TMCC1: variants seen among roughly 807,000 people sequenced by gnomAD.
The protein encoded by TMCC1 is transmembrane and coiled-coil domains protein 1.
A neutral mutation model predicts 52.4 loss-of-function variants in TMCC1; 15 were observed. The ratio of observed to expected loss-of-function variants is 0.29; its 90% CI spans 0.19 to 0.44. The LOEUF (loss-of-function observed/expected upper bound fraction) is 0.44, where lower values mean the gene tolerates loss of function less well. TMCC1 is among the 20% of genes least tolerant of loss of function. The probability of loss-of-function intolerance (pLI) is 1.00; values close to 1 mark genes in which losing one functional copy is unlikely to be tolerated. For synonymous variants in TMCC1, 279 were observed against 301.9 expected, an observed-to-expected ratio of 0.92 and a Z score of 0.79; for missense variants, 503 against 806.0, an observed-to-expected ratio of 0.62 and a Z score of 4.55.
At chr3:129,734,240 A>G (rs1354468329) in intron 4 of TMCC1, among the ~76,000 whole-genome samples, 4 of 152,244 alleles carry the variant, frequency 2.6e-5, no homozygotes, top group Non-Finnish European at 5.9e-5. Flanking sequence ...CAACAAGTAG[A>G]TCAGAACTAT....
rs1322335216 is a variant in TMCC1, at chr3:129,670,320, TGTG to T, written c.1511+7_1511+9del. On this transcript the variant is annotated splice_region_variant and intron_variant, in intron 5 of 6. Coordinates refer to ENST00000393238, the MANE Select transcript of TMCC1 (RefSeq NM_001017395.5). ...CAAATAATTTCAGATATTAATTCCATGTGACTTACCTATATCGCTCCTCCTGTA... is the reference window on the plus strand; with the variant it reads ...CAAATAATTTCAGATATTAATTCCATACTTACCTATATCGCTCCTCCTGTA... 7 of 1,605,804 alleles carry T rather than the reference TGTG, an allele frequency of 4.4e-6. No individual in the cohort carries two copies. Among genetic ancestry groups the T allele is most frequent in the Admixed American group, 3.4e-5 (2 of 58,802 alleles).
At chr3:129,874,834 C>A (rs1403275460) in intron 2 of TMCC1, among the ~76,000 whole-genome samples, 1 of 151,972 alleles carries the variant, frequency 6.6e-6, no homozygotes, top group Non-Finnish European at 1.5e-5. Context: ...TCCAGCTGAG[C>A]AAGAGCAAGA....
intron 5 of TMCC1, among the ~76,000 whole-genome samples, chr3:129,665,218 G>A (rs1379450847): frequency 1.3e-5 from 2 of 152,194 alleles, no homozygotes; most frequent in Non-Finnish European, 2.9e-5. Flanking sequence ...ATGGCTTCCT[G>A]GGCTAAGTGC....
At chr3:129,872,512 G>A (rs1006648231) in intron 2 of TMCC1, among the ~76,000 whole-genome samples, 16 of 152,106 alleles carry the variant, frequency 1.1e-4, no homozygotes, top group African/African-American at 3.9e-4. Context: ...TAAAGTTCAC[G>A]AAGCACTGTT....
chr3:129,848,686 C>G (rs527506427), intron 2 of TMCC1, among the ~76,000 whole-genome samples: 1 of 152,158 alleles, frequency 6.6e-6, no homozygotes, highest in East Asian at 1.9e-4. Flanking sequence ...CCGTGCCAAC[C>G]AATGAAACTT....
chr3:129,885,014 C>T (rs2061628369), intron 1 of TMCC1, among the ~76,000 whole-genome samples: 1 of 151,962 alleles, frequency 6.6e-6, no homozygotes, highest in Non-Finnish European at 1.5e-5. Flanking sequence ...TGGGACACAC[C>T]TGCAGTCCCA....
chr3:129,739,557 G>T (rs191895973), intron 4 of TMCC1, among the ~76,000 whole-genome samples: 4 of 152,318 alleles, frequency 2.6e-5, no homozygotes, highest in Admixed American at 6.5e-5. Context: ...AAGGAACACA[G>T]TTTAAGTCTG....
At chr3:129,672,857 T>C (rs2088074402) in intron 4 of TMCC1, among the ~76,000 whole-genome samples, 1 of 152,154 alleles carries the variant, frequency 6.6e-6, no homozygotes, top group South Asian at 2.1e-4. Context: ...ATAATTAACC[T>C]AGGGATAACA....
intron 4 of TMCC1, among the ~76,000 whole-genome samples, chr3:129,752,058 T>C (rs1415013510): frequency 1.3e-5 from 2 of 152,206 alleles, no homozygotes; most frequent in Non-Finnish European, 2.9e-5. Flanking sequence ...CTAACTTAGA[T>C]AGAAGTGAAT....
chr3:129,797,628 C>T (rs535893564), intron 4 of TMCC1, among the ~76,000 whole-genome samples: 7 of 151,880 alleles, frequency 4.6e-5, no homozygotes, highest in African/African-American at 1.7e-4. Context: ...GTAGGTGGTC[C>T]CAGCTACTCA....
At chr3:129,848,186 T>A (rs942220681) in intron 2 of TMCC1, among the ~76,000 whole-genome samples, 1 of 152,218 alleles carries the variant, frequency 6.6e-6, no homozygotes. Context: ...AGCGATTTTT[T>A]CCCCTTTATA....
At chr3:129,797,747 C>T (rs2056931230) in intron 4 of TMCC1, among the ~76,000 whole-genome samples, 1 of 152,020 alleles carries the variant, frequency 6.6e-6, no homozygotes, top group Non-Finnish European at 1.5e-5. Flanking sequence ...TGTCTCAAAA[C>T]AAAACAAACA....
chr3:129,725,092 C>A (rs1185604396), intron 4 of TMCC1, among the ~76,000 whole-genome samples: 1 of 152,150 alleles, frequency 6.6e-6, no homozygotes. Flanking sequence ...TACCCAAAAA[C>A]CTAAAGATAA....
At chr3:129,824,812 A>C (rs1031102585) in intron 4 of TMCC1, among the ~76,000 whole-genome samples, 1 of 152,234 alleles carries the variant, frequency 6.6e-6, no homozygotes, top group Admixed American at 6.5e-5. Context: ...TTTTCCTTAA[A>C]AAATACAATT....
At chr3:129,735,196 C>T (rs988474884) in intron 4 of TMCC1, among the ~76,000 whole-genome samples, 1 of 152,196 alleles carries the variant, frequency 6.6e-6, no homozygotes, top group Non-Finnish European at 1.5e-5. Context: ...CCACTGCACC[C>T]AGCCTCTGTT....
intron 4 of TMCC1, among the ~76,000 whole-genome samples, chr3:129,724,879 A>C (rs2049949768): frequency 1.3e-5 from 2 of 152,214 alleles, no homozygotes; most frequent in African/African-American, 4.8e-5. Flanking sequence ...TACAGCACTA[A>C]TGGGAAGGTA....
chr3:129,750,902 A>G (rs1313190053), intron 4 of TMCC1, among the ~76,000 whole-genome samples: 3 of 150,820 alleles, frequency 2.0e-5, no homozygotes, highest in African/African-American at 4.8e-5. Context: ...AATTTTACAT[A>G]AGAATTAAGA....
chr3:129,731,515 T>C (rs2050538284), intron 4 of TMCC1, among the ~76,000 whole-genome samples: 1 of 152,126 alleles, frequency 6.6e-6, no homozygotes, highest in African/African-American at 2.4e-5. Context: ...GAGGCAGAGG[T>C]TGCAGTTAAC....
intron 2 of TMCC1, among the ~76,000 whole-genome samples, chr3:129,863,083 A>G (rs931982269): frequency 7.2e-5 from 11 of 152,342 alleles, no homozygotes; most frequent in South Asian, 2.1e-4. Flanking sequence ...GTGTTCAAAA[A>G]GAAGATACTG....
Sources: gnomAD v4.1 joint callset for allele counts (sites outside exome capture counted in the v4.1 genomes callset) on GRCh38, gnomAD v4.1.1 for gene constraint, MANE v1.5 for transcripts, NCBI Gene and HGNC (gene_info 2026-07-23, HGNC 2026-07-21) for gene names.